Variants in ZNF536 observed in about 807,000 individuals in gnomAD.
The protein encoded by ZNF536 is zinc finger protein 536.
ZNF536 carries 13 observed loss-of-function variants against 84.5 expected under a neutral mutation model. The observed-to-expected ratio is 0.15, with a 90% CI of 0.10 to 0.24. The LOEUF is 0.24. ZNF536 is among the 10% of genes least tolerant of loss of function. The pLI is 1.00. For missense variants in ZNF536, 1,536 were observed against 1,747.5 expected (o/e 0.88, Z 2.16); for synonymous variants, 811 against 742.5 (o/e 1.09, Z -1.50).
At chr19:30,330,674 C>T (rs2047183017) in intron 2 of ZNF536, among the ~76,000 whole-genome samples, 1 of 152,176 alleles carries the variant, frequency 6.6e-6, no homozygotes, top group South Asian at 2.1e-4. Context: ...CTTCACTGAC[C>T]CTCCTGCTCT....
At chr19:30,226,672 G>C (rs2022632393), upstream of ZNF536, among the ~76,000 whole-genome samples, 1 of 152,120 alleles carries the variant, frequency 6.6e-6, no homozygotes, top group Non-Finnish European at 1.5e-5. This position sits in a 1 kb window ranked among gnomAD's most constrained non-coding sequence, Gnocchi z 4.6. Context: ...GGGCCAAAGA[G>C]GAAATAAATA....
rs1157445236 is a variant in ZNF536 at position 30,445,373 on chromosome 19, G to T, written c.1811G>T (p.Ser604Ile). The T allele has an allele frequency of 6.2e-7, 1 of 1,614,078 alleles. No homozygotes were observed. Among genetic ancestry groups the T allele is most frequent in the Non-Finnish European group, 8.5e-7 (1 of 1,180,040 alleles). The change falls in exon 2 of 5, where the codon AGT (serine) becomes ATT (isoleucine). Residue 604 changes from serine (S) to isoleucine (I), a missense_variant. This residue lies in a region of ZNF536 where 366 missense variants were observed against 364.4 expected (regional missense o/e 1.00). Transcript: ENST00000355537. This position sits in a 1 kb window ranked among gnomAD's most constrained non-coding sequence, Gnocchi z 4.5. ...LPSKLDPLES[S>I]RDFLSHGLNQ... ...AGTAAGCTCGACCCTTTAGAAAGCA[G>T]TCGGGATTTTTTGTCACACGGGCTG...
At chr19:30,692,138 T>C (rs2051437616) in intron 1 of ZNF536, among the ~76,000 whole-genome samples, 1 of 152,258 alleles carries the variant, frequency 6.6e-6, no homozygotes, top group Non-Finnish European at 1.5e-5. Context: ...TTCTTTTTGA[T>C]TCTGAAGATA....
intron 2 of ZNF536, among the ~76,000 whole-genome samples, chr19:30,466,744 GGAAGAAAGGAGGGAAGGAAGGAAGGAA>G (rs2053423747): frequency 1.5e-4 from 11 of 75,418 alleles, no homozygotes; most frequent in Admixed American, 1.0e-3. Flanking sequence ...AGGGAGGGAA[GGAAGAAAGGAGGGAAGGAAGGAAGGAA>G]GGAAGGAAGG....
At chr19:30,526,142 G>A (rs1229604763) in intron 2 of ZNF536, among the ~76,000 whole-genome samples, 1 of 152,196 alleles carries the variant, frequency 6.6e-6, no homozygotes, top group African/African-American at 2.4e-5. Context: ...AGAAGAGACA[G>A]GTGTGCAGAG....
intron 1 of ZNF536, among the ~76,000 whole-genome samples, chr19:30,253,038 G>T (rs1475794498): frequency 6.6e-6 from 1 of 152,220 alleles, no homozygotes; most frequent in African/African-American, 2.4e-5. Flanking sequence ...TTTGGAATCA[G>T]TTTCTGAAGT....
chr19:30,645,315 G>T (rs946346763), intron 1 of ZNF536, among the ~76,000 whole-genome samples: 14 of 152,226 alleles, frequency 9.2e-5, no homozygotes, highest in African/African-American at 3.4e-4. Context: ...CCATTCTGTA[G>T]GTTGCCTGTT....
chr19:30,553,272 T>C (rs1467571050), intron 4 of ZNF536, among the ~76,000 whole-genome samples: 1 of 152,208 alleles, frequency 6.6e-6, no homozygotes, highest in Non-Finnish European at 1.5e-5. Flanking sequence ...GAAATGCTAA[T>C]GCACTGTTGG....
intron 1 of ZNF536, among the ~76,000 whole-genome samples, chr19:30,575,712 G>A (rs1175342237): frequency 6.6e-6 from 1 of 152,238 alleles, no homozygotes; most frequent in Non-Finnish European, 1.5e-5. Context: ...CCAGGAGTTA[G>A]GGAGTGCCGG....
At chr19:30,260,810 C>G (rs1409803011) in intron 1 of ZNF536, among the ~76,000 whole-genome samples, 1 of 152,134 alleles carries the variant, frequency 6.6e-6, no homozygotes, top group South Asian at 2.1e-4. Flanking sequence ...TGGGCATGGC[C>G]TTCATACCCC....
At chr19:30,603,953 G>A (rs1202771776) in intron 1 of ZNF536, among the ~76,000 whole-genome samples, 1 of 152,188 alleles carries the variant, frequency 6.6e-6, no homozygotes, top group African/African-American at 2.4e-5. Context: ...AGCCAGGCGT[G>A]GTGGCACACA....
Position 30,504,465 on chromosome 19 carries a change from T to C in ZNF536, c.2171-30382T>C, listed in dbSNP as rs115815932. 7.1e-3 allele frequency among the ~76,000 whole-genome samples: 884 copies of C among 124,496 alleles called. 18 individuals carry two copies. Among genetic ancestry groups the C allele is most frequent in the African/African-American group, 0.027 (841 of 30,880 alleles). 81.7% of individuals were successfully genotyped at this position (124,496 alleles called of 152,430 possible). A position where few individuals can be genotyped will look rare whatever the true frequency, so the allele number is the denominator to read the frequency against. On this transcript the variant is annotated intron_variant, in intron 2 of 4. Coordinates refer to ENST00000355537, the MANE Select transcript of ZNF536 (RefSeq NM_014717.3). ...CTTCCTCCCTTCCTTTCTCCCTTCC[T>C]CCCTCCCATCCTCTCTCCCTTCCTC... is the stretch of plus-strand genomic sequence containing the variant.
chr19:30,668,131 G>C (rs1555832720), intron 1 of ZNF536, among the ~76,000 whole-genome samples: 3 of 151,912 alleles, frequency 2.0e-5, no homozygotes, highest in Non-Finnish European at 4.4e-5. Flanking sequence ...TGTAATATTA[G>C]AAAAAAAATT....
chr19:30,370,741 A>C (rs1342143740), upstream of ZNF536, among the ~76,000 whole-genome samples: 1 of 152,232 alleles, frequency 6.6e-6, no homozygotes, highest in Non-Finnish European at 1.5e-5. Context: ...ACAGCTATTA[A>C]AAAGTGTAAA....
chr19:30,430,639 G>T (rs958121010), intron 1 of ZNF536, among the ~76,000 whole-genome samples: 7 of 152,178 alleles, frequency 4.6e-5, no homozygotes, highest in African/African-American at 1.7e-4. Flanking sequence ...GTTCCCAACA[G>T]GGGAAATGAT....
rs775410184 is a variant in ZNF536 at position 30,444,781 on chromosome 19, A to G, written c.1219A>G (p.Ser407Gly). The G allele has an allele frequency of 2.0e-5, 32 of 1,613,782 alleles. No individual in the cohort carries two copies. The highest frequency in any genetic ancestry group is 2.6e-5 in the Non-Finnish European group (31 of 1,180,038). ...GCTGTCGGTGAAGAACAAGTCCCCC[A>G]GCGACCCCGAGGTGCCTGTGCCCAT... ...NKLSVKNKSP[S>G]DPEVPVPMGG... The change falls in exon 2 of 5, where the codon AGC becomes GGC. Residue 407 changes from serine to glycine, a missense_variant. This residue lies in a region of ZNF536 where 366 missense variants were observed against 364.4 expected (regional missense o/e 1.00). Coordinates refer to ENST00000355537, the MANE Select transcript of ZNF536 (RefSeq NM_014717.3).
At chr19:30,381,340 G>T (rs2147167317) in intron 1 of ZNF536, among the ~76,000 whole-genome samples, 1 of 152,286 alleles carries the variant, frequency 6.6e-6, no homozygotes, top group African/African-American at 2.4e-5. Context: ...GAGAAGGCAG[G>T]GGTGGATAGA....
chr19:30,307,392 A>AC (rs1306881295), intron 2 of ZNF536, among the ~76,000 whole-genome samples: 1 of 151,428 alleles, frequency 6.6e-6, no homozygotes, highest in Non-Finnish European at 1.5e-5. Flanking sequence ...ACGTGCAAAA[A>AC]AAAAAAAAAA....
In ZNF536 at chr19:30,557,997, C is replaced by T. The variant is rs2046023541; in HGVS notation, c.*833C>T. Reference sequence around the variant, plus strand: ...TTTATGAATGGAATGTAAAATAATACTAAAAATGCTTCAATAACTTATCTT... The same window carrying T: ...TTTATGAATGGAATGTAAAATAATATTAAAAATGCTTCAATAACTTATCTT... On this transcript the variant is annotated 3_prime_UTR_variant, in exon 5 of 5. Coordinates refer to ENST00000355537, the MANE Select transcript of ZNF536 (RefSeq NM_014717.3). 6.6e-6 allele frequency: 1 copy of T among 152,060 alleles called. No homozygotes were observed. The highest frequency in any genetic ancestry group is 1.5e-5 in the Non-Finnish European group (1 of 67,948). The allele number at this position is 152,060 out of a possible 1,614,324, so 9.4% of individuals were successfully genotyped here.
Sources: allele counts gnomAD v4.1 joint callset (sites outside exome capture counted in the v4.1 genomes callset), GRCh38; gene constraint gnomAD v4.1.1; regional missense constraint gnomAD v4.1.1; non-coding constraint Gnocchi (gnomAD v3.1); transcripts MANE v1.5; gene names NCBI Gene and HGNC (gene_info 2026-07-23, HGNC 2026-07-21).